The following CCDC138 variants were observed in gnomAD, a reference collection of about 807,000 sequenced individuals.
The protein encoded by CCDC138 is coiled-coil domain-containing protein 138.
Under a neutral mutation model 82.3 loss-of-function variants are expected in CCDC138, and 66 were observed. The observed-to-expected ratio is 0.80, with a 90% CI of 0.66 to 0.98. The LOEUF (loss-of-function observed/expected upper bound fraction) is 0.98, where lower values mean the gene tolerates loss of function less well. CCDC138 is among the 50% of genes least tolerant of loss of function. The probability of loss-of-function intolerance (pLI) is 0.00; values close to 1 mark genes in which losing one functional copy is unlikely to be tolerated. For missense variants in CCDC138, 816 were observed against 758.9 expected, an observed-to-expected ratio of 1.08 and a Z score of -0.88; for synonymous variants, 297 against 265.4, an observed-to-expected ratio of 1.12 and a Z score of -1.16.
chr2:108,825,350 A>G (rs1686377887), intron 10 of CCDC138, among the ~76,000 whole-genome samples: 1 of 151,910 alleles, frequency 6.6e-6, no homozygotes, highest in African/African-American at 2.4e-5. Context: ...TAACTGTGCA[A>G]TTCAGTGTTT....
intron 10 of CCDC138, among the ~76,000 whole-genome samples, chr2:108,819,156 G>A (rs1444327867): frequency 6.6e-6 from 1 of 152,146 alleles, no homozygotes; most frequent in Non-Finnish European, 1.5e-5. Context: ...ATAATGACAA[G>A]GACATGTTAG....
intron 10 of CCDC138, among the ~76,000 whole-genome samples, chr2:108,831,257 A>AC (rs1230581271): frequency 6.6e-6 from 1 of 152,178 alleles, no homozygotes; most frequent in Non-Finnish European, 1.5e-5. Context: ...ATGTAAATAC[A>AC]CCTGATGATC....
chr2:108,818,492 T>C (rs551008889), intron 10 of CCDC138, among the ~76,000 whole-genome samples: 30 of 152,342 alleles, frequency 2.0e-4, no homozygotes, highest in Admixed American at 1.9e-3. Flanking sequence ...AGTTAAAATA[T>C]TGTTTTCAAC....
intron 13 of CCDC138, among the ~76,000 whole-genome samples, chr2:108,868,133 A>G (rs1694707682): frequency 1.3e-5 from 2 of 152,226 alleles, no homozygotes; most frequent in Non-Finnish European, 2.9e-5. Context: ...TATAACCGCT[A>G]TAGGAAATGT....
In CCDC138 at chr2:108,798,416, A is replaced by AT. The variant is rs772899038; in HGVS notation, c.577-8dup. On this transcript the variant is annotated splice_polypyrimidine_tract_variant and intron_variant, in intron 5 of 14. Transcript: ENST00000295124. ...CTTTTCAAGAGCATTAAAGTCTGGCATTTTGATACAGTGTGAAACTGCAGC... is the reference window on the plus strand; with the variant it reads ...CTTTTCAAGAGCATTAAAGTCTGGCATTTTTGATACAGTGTGAAACTGCAGC... The AT allele has an allele frequency of 1.9e-6, 3 of 1,600,686 alleles. No individual in the cohort carries two copies. The highest frequency in any genetic ancestry group is 1.7e-6 in the Non-Finnish European group (2 of 1,174,002).
At chr2:108,873,966 G>T (rs1470910042) in intron 14 of CCDC138, among the ~76,000 whole-genome samples, 1 of 151,916 alleles carries the variant, frequency 6.6e-6, no homozygotes, top group Admixed American at 6.6e-5. Flanking sequence ...AAATACTAAC[G>T]CTGATCTAAG....
intron 10 of CCDC138, among the ~76,000 whole-genome samples, chr2:108,823,285 C>A (rs570532639): frequency 4.6e-4 from 70 of 152,310 alleles, no homozygotes; most frequent in Non-Finnish European, 5.9e-4. Flanking sequence ...TCCACACTTA[C>A]TCTGTGGGGC....
At position 108,840,423 on chromosome 2, in the gene CCDC138, A is replaced by G. The variant is rs1384840641; in HGVS notation, c.1323+1122A>G. On this transcript the variant is annotated intron_variant, in intron 11 of 14. Coordinates refer to ENST00000295124, the MANE Select transcript of CCDC138 (RefSeq NM_144978.3). ...TAGACTAAGTGTTCATTCTTTAAAC[A>G]TTTGGTAGAATTCTCCAGTGAAACT... Among the ~76,000 whole-genome samples, 4 of 152,138 alleles carry G rather than the reference A, an allele frequency of 2.6e-5. 1 individual carries two copies. The East Asian group carries it at 5.8e-4, about 22-fold the overall frequency.
At chr2:108,843,885 TC>T (rs1488920707) in intron 11 of CCDC138, among the ~76,000 whole-genome samples, 2 of 116,696 alleles carry the variant, frequency 1.7e-5, no homozygotes, top group African/African-American at 2.7e-5. Context: ...TGTGTTTCTT[TC>T]TTTTTTTTTT....
intron 13 of CCDC138, 29 bp downstream of exon 13, chr2:108,856,999 G>T (rs1215783020): frequency 9.0e-7 from 1 of 1,114,510 alleles, no homozygotes; most frequent in African/African-American, 1.7e-5. Context: ...TATGTGTAAA[G>T]AAAGCAGGAT....
chr2:108,875,638 G>A lies in CCDC138; in HGVS notation c.1833-450G>A, dbSNP rs185210576. 9.9e-5 allele frequency among the ~76,000 whole-genome samples: 15 copies of A among 152,244 alleles called. 1 individual carries two copies. Among genetic ancestry groups the A allele is most frequent in the Middle Eastern group, 3.4e-3 (1 of 294 alleles). On this transcript the variant is annotated intron_variant, in intron 14 of 14. Coordinates refer to ENST00000295124, the MANE Select transcript of CCDC138 (RefSeq NM_144978.3). The stretch of plus-strand genomic sequence containing the variant: ...TTTGGGAGGCCAAGGAAGGAGGATC[G>A]CCTGAGCCCAGAAGTTCAAGACCAG...
At chr2:108,791,904 A>G in intron 4 of CCDC138, 102 bp downstream of exon 4, 2 of 1,208,820 alleles carry the variant, frequency 1.7e-6, no homozygotes, top group Non-Finnish European at 1.1e-6. Context: ...AAGAGTTTGC[A>G]TATTTCTGTG....
At chr2:108,866,412 C>T (rs1694421798) in intron 13 of CCDC138, among the ~76,000 whole-genome samples, 1 of 152,198 alleles carries the variant, frequency 6.6e-6, no homozygotes, top group East Asian at 1.9e-4. Context: ...TTGGGGGAAC[C>T]ATCATTCAGC....
intron 10 of CCDC138, among the ~76,000 whole-genome samples, chr2:108,820,458 A>G (rs1685489301): frequency 6.6e-6 from 1 of 152,088 alleles, no homozygotes. Flanking sequence ...CCTTTTTTTG[A>G]GGAAAGAAAT....
At chr2:108,805,466 C>A (rs1558644093) in intron 7 of CCDC138, among the ~76,000 whole-genome samples, 2 of 152,142 alleles carry the variant, frequency 1.3e-5, no homozygotes, top group East Asian at 3.9e-4. Flanking sequence ...TGGCTCACGC[C>A]TGTAATCCCA....
chr2:108,805,756 T>C (rs540724447), intron 7 of CCDC138, among the ~76,000 whole-genome samples: 14 of 152,214 alleles, frequency 9.2e-5, no homozygotes, highest in African/African-American at 3.1e-4. Context: ...TAGATTAATA[T>C]ATAATACCAG....
In CCDC138 at chr2:108,873,475, C is replaced by G; in HGVS notation, c.1718C>G (p.Ala573Gly). The change falls in exon 14 of 15, where the codon GCC (alanine) becomes GGC (glycine). Residue 573 changes from alanine (A) to glycine (G), a missense_variant. Ala to Gly is a moderately conservative substitution (Grantham distance 60, BLOSUM62 0). Coordinates refer to ENST00000295124, the MANE Select transcript of CCDC138 (RefSeq NM_144978.3). The part of the protein sequence containing the change: ...ESKSLQPFLE[A>G]CSNSLFFRTC... ...GAATCCTTGCAGCCTTTCCTGGAAG[C>G]CTGTAGCAACTCTTTATTTTTTCGT... 1.2e-6 allele frequency: 2 copies of G among 1,602,856 alleles called. No individual in the cohort carries two copies. The highest frequency in any genetic ancestry group is 1.7e-6 in the Non-Finnish European group (2 of 1,175,004).
At chr2:108,830,640 C>T (rs1202860901) in intron 10 of CCDC138, among the ~76,000 whole-genome samples, 1 of 151,294 alleles carries the variant, frequency 6.6e-6, no homozygotes, top group Admixed American at 6.6e-5. Context: ...AACTCTGTCT[C>T]TACTAAAAAA....
downstream of CCDC138, among the ~76,000 whole-genome samples, chr2:108,877,893 A>G (rs895677994): frequency 6.6e-6 from 1 of 152,214 alleles, no homozygotes; most frequent in Non-Finnish European, 1.5e-5. Context: ...TACTTAGAAG[A>G]AAGGAAAAAC....
Sources: allele counts gnomAD v4.1 joint callset (sites outside exome capture counted in the v4.1 genomes callset), GRCh38; gene constraint gnomAD v4.1.1; transcripts MANE v1.5; gene names NCBI Gene and HGNC (gene_info 2026-07-23, HGNC 2026-07-21).